CA14: variants seen among roughly 807,000 people sequenced by gnomAD.
CA14 encodes the protein CA-XIV.
In CA14, 44 loss-of-function variants were observed where a neutral mutation model predicts 48.8. The observed-to-expected ratio is 0.90, with a 90% CI of 0.71 to 1.16. CA14 has a LOEUF of 1.16. Among genes scored for constraint, CA14 ranks in the 50% most tolerant of loss-of-function variants. The pLI, the probability that CA14 is intolerant of heterozygous loss-of-function variation, is 0.00. For missense variants in CA14, 386 were observed against 401.0 expected (o/e 0.96, Z 0.32); for synonymous variants, 154 against 155.0 (o/e 0.99, Z 0.05).
rs782700796 is a variant in CA14 at position 150,264,603 on chromosome 1, CT to C, written c.959del (p.Leu320ArgfsTer29). 61 of 1,608,618 alleles carry C rather than the reference CT, an allele frequency of 3.8e-5. 2 individuals are homozygous for C. In the South Asian group the frequency reaches 6.5e-4, roughly 17 times the overall value. ...CATTCCCCTTTCCAGGAAGAAGAGG[CT>C]GGAAAACCGAAAGAGTGTGGTCTTC... Reference protein sequence around the residue: ...FIARKIRKKRLENRKSVVFTS... With the variant: ...FIARKIRKKRXENRKSVVFTS... On this transcript the variant is annotated frameshift_variant, in exon 11 of 11. Transcript: ENST00000369111. LOFTEE classifies it high-confidence loss of function.
At chr1:150,264,346 G>C (rs1401623568) in intron 10 of CA14, among the ~76,000 whole-genome samples, 1 of 152,030 alleles carries the variant, frequency 6.6e-6, no homozygotes, top group Non-Finnish European at 1.5e-5. Context: ...GGGACTACAG[G>C]CATGTGCCAC....
At position 150,260,157 on chromosome 1, in the gene CA14, A is replaced by G. The variant is rs144230649; in HGVS notation, c.62A>G (p.His21Arg). ...AAACTATTCTGCCTTGCAGGTCAACACTGGACGTATGAGGGTGAGCAGATC... is the reference window on the plus strand; with the variant it reads ...AAACTATTCTGCCTTGCAGGTCAACGCTGGACGTATGAGGGTGAGCAGATC... ...IWILAADGGQ[H>R]WTYEGPHGQD... Residue 21 changes from histidine to arginine, a missense_variant, in exon 2 of 11, where the codon CAC becomes CGC. By Grantham distance (29) the His-to-Arg change is conservative (BLOSUM62 0). Coordinates refer to ENST00000369111, the MANE Select transcript of CA14 (RefSeq NM_012113.3). 2 of 1,613,754 alleles carry G rather than the reference A, an allele frequency of 1.2e-6. No homozygotes were observed. The highest frequency in any genetic ancestry group is 8.5e-7 in the Non-Finnish European group (1 of 1,179,864).
Position 150,262,578 on chromosome 1 carries a change from TGA to T in CA14, c.457_458del (p.Arg153AlafsTer12), listed in dbSNP as rs1651151121. ...DSYDSLSEAA[E>X]RPQGLAVLGI... ...CCTATGACAGCTTGAGTGAGGCTGC[TGA>T]GAGGCCTCAGGGCCTGGCTGTCCTG... is the stretch of plus-strand genomic sequence containing the variant. On this transcript the variant is annotated frameshift_variant, in exon 5 of 11. Transcript: ENST00000369111. LOFTEE classifies it high-confidence loss of function. 1.2e-6 allele frequency: 2 copies of T among 1,614,140 alleles called. No individual in the cohort carries two copies. The highest frequency in any genetic ancestry group is 1.7e-6 in the Non-Finnish European group (2 of 1,179,970).
chr1:150,263,690 C>T lies in CA14; in HGVS notation c.862+11C>T. 1.2e-6 allele frequency: 2 copies of T among 1,614,020 alleles called. No individual in the cohort carries two copies. The highest frequency in any genetic ancestry group is 8.5e-7 in the Non-Finnish European group (1 of 1,179,942). On this transcript the variant is annotated intron_variant, in intron 9 of 10. Transcript: ENST00000369111. ...CCTCGTATACCACAGGTAAGCCAGC[C>T]TTATAAGATAATGCGGGGAGGGGAG...
At chr1:150,263,754 T>C in intron 9 of CA14, 40 bp from the exon 10 acceptor site, 1 of 1,611,718 alleles carries the variant, frequency 6.2e-7, no homozygotes. Context: ...AAAATCTATG[T>C]TAGTCCTAGG....
At position 150,263,375 on chromosome 1, in the gene CA14, T is replaced by G; in HGVS notation, c.797T>G (p.Leu266Arg). 6.2e-7 allele frequency: 1 copy of G among 1,614,212 alleles called. No individual in the cohort carries two copies. The highest frequency in any genetic ancestry group is 1.1e-5 in the South Asian group (1 of 91,082). The change falls in exon 8 of 11, where the codon CTT becomes CGT. Residue 266 changes from leucine to arginine, a missense_variant. By Grantham distance (102) the Leu-to-Arg change is moderately radical. Transcript: ENST00000369111. ...CTTCTGGTACAGAACTACCGAGCCC[T>G]TCAGCCTCTCAATCAGCGCATGGTC... ...SKLLVQNYRA[L>R]QPLNQRMVFA...
At position 150,263,237 on chromosome 1, in the gene CA14, TG is replaced by T. The variant is rs782635287; in HGVS notation, c.720+39del. On this transcript the variant is annotated intron_variant, in intron 7 of 10. Coordinates refer to ENST00000369111, the MANE Select transcript of CA14 (RefSeq NM_012113.3). ...GAAACGAGGTGAGGTGAGACACAGT[TG>T]TAACTTCAGACCCCTTCCCACTCCC... 4 of 1,613,636 alleles carry T rather than the reference TG, an allele frequency of 2.5e-6. No individual in the cohort carries two copies. The African/African-American group carries it at 5.3e-5, about 22-fold the overall frequency.
At chr1:150,262,462 A>G in intron 4 of CA14, 63 bp from the exon 5 acceptor site, 1 of 1,495,752 alleles carries the variant, frequency 6.7e-7, no homozygotes, top group South Asian at 1.1e-5. Flanking sequence ...GGTGGCAGCT[A>G]GGATCAAGGC....
intron 2 of CA14, 75 bp downstream of exon 2, chr1:150,260,246 C>CGG: frequency 6.9e-7 from 1 of 1,451,326 alleles, no homozygotes; most frequent in South Asian, 1.1e-5. Context: ...ACACACTGTG[C>CGG]GGGTGGGAGG....
chr1:150,262,467 C>T (rs1651125583), intron 4 of CA14, 58 bp from the exon 5 acceptor site: 1 of 1,513,476 alleles, frequency 6.6e-7, no homozygotes, highest in African/African-American at 1.4e-5. Context: ...CAGCTAGGAT[C>T]AAGGCCTTGA....
intron 10 of CA14, 144 bp from the exon 11 acceptor site, chr1:150,264,449 C>T (rs998125252): frequency 3.0e-5 from 17 of 560,420 alleles, no homozygotes; most frequent in Admixed American, 3.2e-5. Flanking sequence ...GTGATCCGCC[C>T]GCCTCAGCCT....
At chr1:150,259,460 C>A (rs1283474870) in intron 1 of CA14, among the ~76,000 whole-genome samples, 1 of 152,132 alleles carries the variant, frequency 6.6e-6, no homozygotes, top group East Asian at 1.9e-4. Flanking sequence ...CCTGTCCCTG[C>A]CAGCCTGGCT....
chr1:150,258,776 G>A (rs1650757028), intron 1 of CA14, among the ~76,000 whole-genome samples: 1 of 152,232 alleles, frequency 6.6e-6, no homozygotes, highest in Non-Finnish European at 1.5e-5. Flanking sequence ...GATGAGGAGG[G>A]ATTCTTGGGA....
At chr1:150,263,564 C>T (rs1253740747) in intron 8 of CA14, 95 bp from the exon 9 acceptor site, 1 of 1,611,518 alleles carries the variant, frequency 6.2e-7, no homozygotes, top group Non-Finnish European at 8.5e-7. Flanking sequence ...CCCAGGGTGC[C>T]CCCGGGGGAT....
Position 150,259,789 on chromosome 1 carries a change from C to A in CA14, c.56-362C>A, listed in dbSNP as rs782287721. Among the ~76,000 whole-genome samples, 3 of 152,084 alleles carry A rather than the reference C, an allele frequency of 2.0e-5. No individual in the cohort carries two copies. In the South Asian group the frequency reaches 6.2e-4, roughly 32 times the overall value. On this transcript the variant is annotated intron_variant, in intron 1 of 10. Coordinates refer to ENST00000369111, the MANE Select transcript of CA14 (RefSeq NM_012113.3). The stretch of plus-strand genomic sequence containing the variant: ...CCCTCTGCCCACACCCTCACCCCAC[C>A]CACCCCAATCTTCTAAGTGTTAGAT...
chr1:150,264,692 T>C lies in CA14; in HGVS notation c.*33T>C. On this transcript the variant is annotated 3_prime_UTR_variant, in exon 11 of 11. Transcript: ENST00000369111. ...CTCAGATACCATGGATGTGGATGAC[T>C]TCCCTTCATGCCTATCAGGAAGCCT... is the stretch of plus-strand genomic sequence containing the variant. 6.3e-7 allele frequency: 1 copy of C among 1,576,150 alleles called. No individual in the cohort carries two copies. Among genetic ancestry groups the C allele is most frequent in the South Asian group, 1.1e-5 (1 of 89,658 alleles).
At position 150,263,848 on chromosome 1, in the gene CA14, T is replaced by C. The variant is rs1553848664; in HGVS notation, c.917T>C (p.Leu306Pro). The part of the protein sequence containing the change: ...GILVGCLCLL[L>P]AVYFIARKIR... ...TTGGTTGGCTGTCTCTGCCTTCTCCTGGCTGTTTATTTCATTGCTAGAAAG... is the reference window on the plus strand; with the variant it reads ...TTGGTTGGCTGTCTCTGCCTTCTCCCGGCTGTTTATTTCATTGCTAGAAAG... Residue 306 changes from leucine to proline, a missense_variant, in exon 10 of 11, where the codon CTG becomes CCG. By Grantham distance (98) the Leu-to-Pro change is moderately conservative (BLOSUM62 -3). Coordinates refer to ENST00000369111, the MANE Select transcript of CA14 (RefSeq NM_012113.3). 2 of 1,613,206 alleles carry C rather than the reference T, an allele frequency of 1.2e-6. No homozygotes were observed. The highest frequency in any genetic ancestry group is 1.1e-5 in the South Asian group (1 of 91,056).
intron 10 of CA14, among the ~76,000 whole-genome samples, chr1:150,264,304 G>C (rs782026128): frequency 6.6e-6 from 1 of 152,126 alleles, no homozygotes; most frequent in Non-Finnish European, 1.5e-5. Flanking sequence ...CCGGGCTCAA[G>C]TGGTCCTCCC....
Position 150,263,393 on chromosome 1 carries a change from G to C in CA14, c.815G>C (p.Arg272Pro). 3 of 1,614,158 alleles carry C rather than the reference G, an allele frequency of 1.9e-6. No homozygotes were observed. The South Asian group carries it at 3.3e-5, about 18-fold the overall frequency. ...CGAGCCCTTCAGCCTCTCAATCAGCGCATGGTCTTTGCTTCTTTCATCCAA... is the reference window on the plus strand; with the variant it reads ...CGAGCCCTTCAGCCTCTCAATCAGCCCATGGTCTTTGCTTCTTTCATCCAA... ...NYRALQPLNQ[R>P]MVFASFIQAG... The change falls in exon 8 of 11, where the codon CGC becomes CCC. Residue 272 changes from arginine (R) to proline (P), a missense_variant. Physicochemically the swap from Arg to Pro is moderately radical, Grantham distance 103 (BLOSUM62 -2). Coordinates refer to ENST00000369111, the MANE Select transcript of CA14 (RefSeq NM_012113.3).
Sources: allele counts gnomAD v4.1 joint callset (sites outside exome capture counted in the v4.1 genomes callset), GRCh38; gene constraint gnomAD v4.1.1; transcripts MANE v1.5; gene names NCBI Gene and HGNC (gene_info 2026-07-23, HGNC 2026-07-21).